The following BRAF variants were observed in gnomAD, a reference collection of about 807,000 sequenced individuals.
BRAF encodes B-Raf proto-oncogene, serine/threonine kinase.
In BRAF, 16 loss-of-function variants were observed where a neutral mutation model predicts 104.6. The observed-to-expected ratio is 0.15, with a 90% CI of 0.10 to 0.23. The LOEUF is 0.23. BRAF is among the 10% of genes least tolerant of loss of function. The pLI is 1.00. For synonymous variants in BRAF, 310 were observed against 341.6 expected, an observed-to-expected ratio of 0.91 and a Z score of 1.02; for missense variants, 541 against 937.3, an observed-to-expected ratio of 0.58 and a Z score of 5.52.
At chr7:140,918,978 A>C (rs144294970) in intron 1 of BRAF, among the ~76,000 whole-genome samples, 8,453 of 151,866 alleles carry the variant, frequency 0.056, 284 homozygotes, top group South Asian at 0.11. Flanking sequence ...TCTCTACTAA[A>C]AATACAAAAA....
At chr7:140,824,201 G>A (rs951088352) in intron 3 of BRAF, 5 of 152,026 alleles carry the variant, frequency 3.3e-5, no homozygotes, top group Admixed American at 2.0e-4. Flanking sequence ...TTGGCATCAC[G>A]GCCAAGAAAT....
At chr7:140,823,468 T>C (rs1805689798) in intron 3 of BRAF, 1 of 148,200 alleles carries the variant, frequency 6.7e-6, no homozygotes, top group African/African-American at 2.6e-5. Context: ...CCTTGAGATT[T>C]ACTCATGTTG....
At chr7:140,847,658 A>C (rs1808717784) in intron 2 of BRAF, among the ~76,000 whole-genome samples, 1 of 152,202 alleles carries the variant, frequency 6.6e-6, no homozygotes, top group Admixed American at 6.5e-5. Flanking sequence ...CTATTTATAG[A>C]ATTCTTAATA....
At chr7:140,921,179 C>T (rs1818182271) in intron 1 of BRAF, among the ~76,000 whole-genome samples, 1 of 152,132 alleles carries the variant, frequency 6.6e-6, no homozygotes, top group Non-Finnish European at 1.5e-5. Context: ...ATAAATATCA[C>T]TCTGGTATCA....
intron 1 of BRAF, among the ~76,000 whole-genome samples, chr7:140,859,801 C>T (rs768154944): frequency 8.6e-5 from 13 of 151,476 alleles, no homozygotes; most frequent in Non-Finnish European, 1.6e-4. Context: ...GATTCTCCTG[C>T]CTCAGCCTCC....
chr7:140,790,067 C>G (rs543195980), intron 8 of BRAF, among the ~76,000 whole-genome samples: 1 of 151,924 alleles, frequency 6.6e-6, no homozygotes, highest in Non-Finnish European at 1.5e-5. Context: ...AACTATAGGA[C>G]TTGGTCACTG....
chr7:140,725,741 A>C lies in BRAF; in HGVS notation c.*753T>G. The stretch of plus-strand genomic sequence containing the variant: ...AACACTTATCTTCATTGCTGGACCC[A>C]ATGAGAAAGAAGGCAATGTGTGCCA... On this transcript the variant is annotated 3_prime_UTR_variant, in exon 20 of 20. Transcript: ENST00000644969. 1 of 1,060,302 alleles carries C rather than the reference A, an allele frequency of 9.4e-7. No homozygotes were observed. The highest frequency in any genetic ancestry group is 1.1e-6 in the Non-Finnish European group (1 of 876,322). 65.7% of individuals were successfully genotyped at this position (1,060,302 alleles called of 1,614,324 possible).
In BRAF at chr7:140,787,529, A is replaced by C; in HGVS notation, c.1177+19T>G. 1.2e-6 allele frequency: 2 copies of C among 1,608,912 alleles called. No individual in the cohort carries two copies. Among genetic ancestry groups the C allele is most frequent in the Non-Finnish European group, 1.7e-6 (2 of 1,175,586 alleles). On this transcript the variant is annotated intron_variant, in intron 9 of 19. Transcript: ENST00000644969. Reference sequence around the variant, plus strand: ...GCAGTTTCCTTGAGTTTTTAAAAAAACCTGAAATCACTACTTACCTCCATC... The same window carrying C: ...GCAGTTTCCTTGAGTTTTTAAAAAACCCTGAAATCACTACTTACCTCCATC...
chr7:140,873,327 T>C (rs1156320524), intron 1 of BRAF, among the ~76,000 whole-genome samples: 2 of 152,266 alleles, frequency 1.3e-5, no homozygotes, highest in Admixed American at 6.5e-5. Context: ...TGCACCACCA[T>C]GCCTAGCTAT....
At position 140,726,447 on chromosome 7, in the gene BRAF, C is replaced by A. The variant is rs576820459; in HGVS notation, c.*47G>T. The A allele has an allele frequency of 6.5e-7, 1 of 1,532,294 alleles. No homozygotes were observed. The highest frequency in any genetic ancestry group is 2.0e-5 in the Admixed American group (1 of 50,046). The allele number at this position is 1,532,294 out of a possible 1,614,324, so 94.9% of individuals were successfully genotyped here. A position where few individuals can be genotyped will look rare whatever the true frequency, so the allele number is the denominator to read the frequency against. On this transcript the variant is annotated 3_prime_UTR_variant, in exon 20 of 20. Transcript: ENST00000644969. ...TGTGTTTTGATGTTAACAAATTGTA[C>A]GAACACAAGACTTAAGAAATAAGAG...
chr7:140,777,227 C>T (rs749997076), intron 13 of BRAF, 139 bp from the exon 13 acceptor site: 10 of 843,634 alleles, frequency 1.2e-5, no homozygotes, highest in Admixed American at 2.5e-5. Context: ...CAAAAGGATA[C>T]ATTTAGAAGA....
intron 14 of BRAF, among the ~76,000 whole-genome samples, chr7:140,762,565 C>T (rs1798846365): frequency 8.7e-6 from 1 of 114,492 alleles, no homozygotes; most frequent in African/African-American, 3.3e-5. Context: ...GAAATAGAGA[C>T]AAAAAAACCC....
chr7:140,765,686 GAC>G (rs1249795704), intron 14 of BRAF, among the ~76,000 whole-genome samples: 1 of 151,986 alleles, frequency 6.6e-6, no homozygotes, highest in African/African-American at 2.4e-5. Flanking sequence ...GCAGCCAAAA[GAC>G]ACATGAAAAA....
intron 1 of BRAF, among the ~76,000 whole-genome samples, chr7:140,923,365 GTAT>G (rs1422175357): frequency 6.6e-6 from 1 of 152,052 alleles, no homozygotes; most frequent in Non-Finnish European, 1.5e-5. Context: ...GCATAATAAA[GTAT>G]TATTTTCTGT....
intron 9 of BRAF, among the ~76,000 whole-genome samples, chr7:140,787,250 G>A (rs1054713043): frequency 2.1e-5 from 3 of 139,686 alleles, no homozygotes; most frequent in Admixed American, 7.9e-5. Flanking sequence ...GCAGTGAGCC[G>A]AGATCGCGCC....
chr7:140,906,933 C>T (rs1816391613), intron 1 of BRAF, among the ~76,000 whole-genome samples: 1 of 152,164 alleles, frequency 6.6e-6, no homozygotes, highest in Non-Finnish European at 1.5e-5. Context: ...CATTAACCTT[C>T]TTAAATCAAT....
intron 1 of BRAF, among the ~76,000 whole-genome samples, chr7:140,903,868 G>C (rs1299632908): frequency 6.6e-6 from 1 of 152,204 alleles, no homozygotes; most frequent in Non-Finnish European, 1.5e-5. Context: ...AGCAGCAGAA[G>C]AACTACATTT....
At chr7:140,808,340 T>C in intron 4 of BRAF, 1 of 479,340 alleles carries the variant, frequency 2.1e-6, no homozygotes, top group South Asian at 1.7e-5. Flanking sequence ...AAATGGATTG[T>C]TCCTGGGGTC....
chr7:140,780,775 C>G (rs1240581689), intron 12 of BRAF: 2 of 152,044 alleles, frequency 1.3e-5, no homozygotes, highest in Non-Finnish European at 2.9e-5. Context: ...GATATTAAAC[C>G]TTTGATGAAA....
Sources: allele counts gnomAD v4.1 joint callset (sites outside exome capture counted in the v4.1 genomes callset), GRCh38; gene constraint gnomAD v4.1.1; transcripts MANE v1.5; gene names NCBI Gene and HGNC (gene_info 2026-07-23, HGNC 2026-07-21).